The following SEMA4B variants were observed in gnomAD, a reference collection of about 807,000 sequenced individuals.
SEMA4B encodes semaphorin 4B.
A neutral mutation model predicts 88.1 loss-of-function variants in SEMA4B; 55 were observed. That is an observed-to-expected ratio of 0.62 (90% CI 0.50 to 0.78). The LOEUF (loss-of-function observed/expected upper bound fraction) is 0.78, where lower values mean the gene tolerates loss of function less well. SEMA4B is among the 30% of genes least tolerant of loss of function. SEMA4B has a pLI of 0.00. For synonymous variants in SEMA4B, 525 were observed against 473.6 expected (o/e 1.11, Z -1.41); for missense variants, 1,062 against 1,111.9 (o/e 0.96, Z 0.64).
chr15:90,207,969 T>C lies in SEMA4B; in HGVS notation c.157+6234T>C, dbSNP rs147798770. On this transcript the variant is annotated intron_variant, in intron 1 of 13. Coordinates refer to ENST00000411539, the MANE Select transcript of SEMA4B (RefSeq NM_198925.4). The stretch of plus-strand genomic sequence containing the variant: ...CCAAGTTCTTTAGAAAAATTTTAAT[T>C]AGGCCAGGTGCGGTGGCTCACGCCT... 2.2e-3 allele frequency among the ~76,000 whole-genome samples: 340 copies of C among 152,298 alleles called. 1 individual carries two copies. Among genetic ancestry groups the C allele is most frequent in the African/African-American group, 7.6e-3 (316 of 41,562 alleles).
At chr15:90,225,432 T>G in intron 11 of SEMA4B, 35 bp downstream of exon 11, 1 of 1,530,056 alleles carries the variant, frequency 6.5e-7, no homozygotes, top group Non-Finnish European at 8.9e-7. Flanking sequence ...GGCAGGGTAC[T>G]TGGGGGGTGC....
chr15:90,223,143 T>C (rs1010473131), intron 7 of SEMA4B, among the ~76,000 whole-genome samples: 2 of 151,960 alleles, frequency 1.3e-5, no homozygotes, highest in African/African-American at 4.8e-5. Context: ...TTTTTTTGTA[T>C]TTTTAGCAGA....
chr15:90,194,309 C>T, intron 1 of SEMA4B, among the ~76,000 whole-genome samples: 1 of 151,724 alleles, frequency 6.6e-6, no homozygotes, highest in Non-Finnish European at 1.5e-5. Context: ...AGGCAGGTGG[C>T]TCACCTGAGG....
intron 1 of SEMA4B, among the ~76,000 whole-genome samples, chr15:90,195,973 G>A (rs1960490576): frequency 7.2e-6 from 1 of 138,132 alleles, no homozygotes; most frequent in Admixed American, 7.8e-5. Context: ...AGGCTGGAGT[G>A]CAGTGGCGCG....
Position 90,188,015 on chromosome 15 carries a change from AAAAAG to A in SEMA4B, c.-122+2938_-122+2942del, listed in dbSNP as rs1414075448. On this transcript the variant is annotated intron_variant, in intron 1 of 14. Coordinates refer to the SEMA4B transcript ENST00000332496. ...ATGAGACTCCATCTCAAAAAAAAAA[AAAAAG>A]AAAGAAAAGAAACGTGGGTCAGGCA... Among the ~76,000 whole-genome samples, 502 of 151,800 alleles carry A rather than the reference AAAAAG, an allele frequency of 3.3e-3. 3 individuals are homozygous for A. Among genetic ancestry groups the A allele is most frequent in the African/African-American group, 0.011 (459 of 41,402 alleles).
chr15:90,217,740 A>G, intron 2 of SEMA4B, 27 bp from the exon 3 acceptor site: 2 of 1,612,186 alleles, frequency 1.2e-6, no homozygotes, highest in South Asian at 1.1e-5. Flanking sequence ...CATTTTGTCC[A>G]CTACCTTCCC....
In SEMA4B at chr15:90,190,716, GGTGTGTGTCT is replaced by G. The variant is rs577301505; in HGVS notation, c.-122+5656_-122+5665del. Among the ~76,000 whole-genome samples, 577 of 152,154 alleles carry G rather than the reference GGTGTGTGTCT, an allele frequency of 3.8e-3. 6 individuals are homozygous for G. Among genetic ancestry groups the G allele is most frequent in the African/African-American group, 0.012 (518 of 41,502 alleles). On this transcript the variant is annotated intron_variant, in intron 1 of 14. Transcript: ENST00000332496. ...CACTTCATGGGATCTTTGGAACCAG[GGTGTGTGTCT>G]GTGTGTGTCTGTGTGTGTCTTGCTC...
At position 90,228,216 on chromosome 15, in the gene SEMA4B, C is replaced by T. The variant is rs768227908; in HGVS notation, c.2087C>T (p.Ser696Leu). 4.5e-5 allele frequency: 72 copies of T among 1,607,612 alleles called. No homozygotes were observed. The highest frequency in any genetic ancestry group is 5.7e-5 in the Non-Finnish European group (67 of 1,176,734). The change falls in exon 14 of 14, where the codon TCG (serine) becomes TTG (leucine). Residue 696 changes from serine to leucine, a missense_variant. Physicochemically the swap from Ser to Leu is moderately radical, Grantham distance 145. Transcript: ENST00000411539. Reference sequence around the variant, plus strand: ...AGTGTACCCGTCATTATCAGCACATCGCGTGTGAGTGCACCAGCTGGTGGC... The same window carrying T: ...AGTGTACCCGTCATTATCAGCACATTGCGTGTGAGTGCACCAGCTGGTGGC... ...GGSVPVIIST[S>L]RVSAPAGGKA...
chr15:90,206,556 C>G (rs541211124), intron 1 of SEMA4B: 27 of 489,854 alleles, frequency 5.5e-5, no homozygotes, highest in Non-Finnish European at 9.0e-5. Context: ...CGGCTTCACC[C>G]GTAACCCACT....
rs1960713141 is a variant in SEMA4B at position 90,201,399 on chromosome 15, C to A, written c.-180C>A. The A allele has an allele frequency of 2.3e-6, 3 of 1,278,162 alleles. No homozygotes were observed. The highest frequency in any genetic ancestry group is 3.0e-6 in the Non-Finnish European group (3 of 1,014,286). The allele number at this position is 1,278,162 out of a possible 1,614,324, so 79.2% of individuals were successfully genotyped here. ...CCGGCGGGAGGACTGCGGTGCCCCGCGGAGGGGCTGAGTTTGCCAGGGCCC... is the reference window on the plus strand; with the variant it reads ...CCGGCGGGAGGACTGCGGTGCCCCGAGGAGGGGCTGAGTTTGCCAGGGCCC... On this transcript the variant is annotated 5_prime_UTR_variant, in exon 1 of 14. Transcript: ENST00000411539.
At position 90,204,315 on chromosome 15, in the gene SEMA4B, C is replaced by G. The variant is rs1337371465; in HGVS notation, c.157+2580C>G. ...CCATGCCCCGTAAGGACCCAGATGC[C>G]TAGGGACAGTGGGGCTATGTCTGTG... On this transcript the variant is annotated intron_variant, in intron 1 of 13. Transcript: ENST00000411539. Among the ~76,000 whole-genome samples, 4 of 152,330 alleles carry G rather than the reference C, an allele frequency of 2.6e-5. No homozygotes were observed. In the East Asian group the frequency reaches 7.7e-4, roughly 29 times the overall value.
At position 90,228,575 on chromosome 15, in the gene SEMA4B, G is replaced by A; in HGVS notation, c.2446G>A (p.Glu816Lys). Residue 816 changes from glutamate to lysine, a missense_variant, in exon 14 of 14, where the codon GAG (glutamate) becomes AAG (lysine). Glu to Lys is a moderately conservative substitution (Grantham distance 56). Transcript: ENST00000411539. ...RPLSIQDSFV[E>K]VSPVCPRPRV... Reference sequence around the variant, plus strand: ...ACTCAGCATCCAAGACAGCTTCGTGGAGGTATCCCCAGTGTGCCCCCGGCC... The same window carrying A: ...ACTCAGCATCCAAGACAGCTTCGTGAAGGTATCCCCAGTGTGCCCCCGGCC... 1 of 1,613,676 alleles carries A rather than the reference G, an allele frequency of 6.2e-7. No individual in the cohort carries two copies. Among genetic ancestry groups the A allele is most frequent in the Non-Finnish European group, 8.5e-7 (1 of 1,179,868 alleles).
rs1962127607 is a variant in SEMA4B, at chr15:90,225,680, C to T, written c.1541C>T (p.Ser514Leu). The T allele has an allele frequency of 1.3e-6, 2 of 1,566,830 alleles. No homozygotes were observed. Among genetic ancestry groups the T allele is most frequent in the African/African-American group, 1.4e-5 (1 of 73,516 alleles). The change falls in exon 12 of 14, where the codon TCA becomes TTA. Residue 514 changes from serine (S) to leucine (L), a missense_variant. By Grantham distance (145) the Ser-to-Leu change is moderately radical. Transcript: ENST00000411539. ...GTGCAGGGGCTGCTGTATGCGGCCT[C>T]ACACTCGGGCGTAGTCCAGGTGCCC... ...DTHRGLLYAASHSGVVQVPMA... is the reference protein window; with the variant it reads ...DTHRGLLYAALHSGVVQVPMA...
At position 90,228,302 on chromosome 15, in the gene SEMA4B, T is replaced by C; in HGVS notation, c.2173T>C (p.Phe725Leu). 6.3e-7 allele frequency: 1 copy of C among 1,594,130 alleles called. No individual in the cohort carries two copies. Among genetic ancestry groups the C allele is most frequent in the South Asian group, 1.1e-5 (1 of 87,416 alleles). The change falls in exon 14 of 14, where the codon TTT becomes CTT. Residue 725 changes from phenylalanine to leucine, a missense_variant. Coordinates refer to ENST00000411539, the MANE Select transcript of SEMA4B (RefSeq NM_198925.4). ...GGAGTTCCTGGTGATGTGCACGCTC[T>C]TTGTGCTGGCCGTGCTGCTCCCAGT... Reference protein sequence around the residue: ...WKEFLVMCTLFVLAVLLPVLF... With the variant: ...WKEFLVMCTLLVLAVLLPVLF...
chr15:90,198,139 G>A (rs1960576207), upstream of SEMA4B, among the ~76,000 whole-genome samples: 1 of 151,340 alleles, frequency 6.6e-6, no homozygotes, highest in Non-Finnish European at 1.5e-5. Flanking sequence ...CCATGGTCTC[G>A]ATCTCCTGAC....
Position 90,212,290 on chromosome 15 carries a change from A to C in SEMA4B, c.158-5149A>C, listed in dbSNP as rs796758078. Among the ~76,000 whole-genome samples, 9 of 152,254 alleles carry C rather than the reference A, an allele frequency of 5.9e-5. No individual in the cohort carries two copies. Among genetic ancestry groups the C allele is most frequent in the African/African-American group, 2.2e-4 (9 of 41,550 alleles). On this transcript the variant is annotated intron_variant, in intron 1 of 13. Coordinates refer to ENST00000411539, the MANE Select transcript of SEMA4B (RefSeq NM_198925.4). The surrounding 1 kb of genome is among the most constrained non-coding windows in gnomAD (Gnocchi z 4.0). The stretch of plus-strand genomic sequence containing the variant: ...CCCCGGTCTGCCTTTTTGAAGGATG[A>C]TCTGCCTAGTGGGATGCACTGGCCT...
chr15:90,213,362 A>G (rs1961365567), intron 1 of SEMA4B, among the ~76,000 whole-genome samples: 1 of 152,238 alleles, frequency 6.6e-6, no homozygotes. Context: ...GTGGAAGGGA[A>G]GCCCCAGAAG....
chr15:90,212,309 C>T lies in SEMA4B; in HGVS notation c.158-5130C>T, dbSNP rs1252109906. On this transcript the variant is annotated intron_variant, in intron 1 of 13. Transcript: ENST00000411539. The surrounding 1 kb of genome is among the most constrained non-coding windows in gnomAD (Gnocchi z 4.0). The stretch of plus-strand genomic sequence containing the variant: ...AGGATGATCTGCCTAGTGGGATGCA[C>T]TGGCCTTGGTGAAGCCCCTGGCTGA... 6.6e-6 allele frequency among the ~76,000 whole-genome samples: 1 copy of T among 152,164 alleles called. No homozygotes were observed. Among genetic ancestry groups the T allele is most frequent in the Non-Finnish European group, 1.5e-5 (1 of 68,022 alleles).
chr15:90,224,007 C>T lies in SEMA4B; in HGVS notation c.1194+19C>T. ...TGGAGCGGTGGGTACTGGCTCCCTGCACCCAGAAGGGGTGCCGGGAAGATG... is the reference window on the plus strand; with the variant it reads ...TGGAGCGGTGGGTACTGGCTCCCTGTACCCAGAAGGGGTGCCGGGAAGATG... On this transcript the variant is annotated intron_variant, in intron 9 of 13. Transcript: ENST00000411539. 2 of 1,599,014 alleles carry T rather than the reference C, an allele frequency of 1.3e-6. No individual in the cohort carries two copies. The highest frequency in any genetic ancestry group is 1.7e-6 in the Non-Finnish European group (2 of 1,170,366).
Sources: gnomAD v4.1 joint callset for allele counts (sites outside exome capture counted in the v4.1 genomes callset) on GRCh38, gnomAD v4.1.1 for gene constraint, Gnocchi (gnomAD v3.1) non-coding constraint, MANE v1.5 for transcripts, NCBI Gene and HGNC (gene_info 2026-07-23, HGNC 2026-07-21) for gene names.